VAT1L: variants seen among roughly 807,000 people sequenced by gnomAD.
VAT1L encodes vesicle amine transport 1 like.
In VAT1L, 34 loss-of-function variants were observed where a neutral mutation model predicts 44.1. The observed-to-expected ratio is 0.77, with a 90% confidence interval of 0.59 to 1.03. VAT1L has a LOEUF of 1.03. Ranked by LOEUF, VAT1L falls within the 50% of genes least tolerant of loss-of-function variation. VAT1L has a pLI of 0.00. For synonymous variants in VAT1L, 253 were observed against 202.2 expected, an observed-to-expected ratio of 1.25 and a Z score of -2.13; for missense variants, 615 against 538.8, an observed-to-expected ratio of 1.14 and a Z score of -1.40.
chr16:77,838,422 G>A (rs995354472), intron 3 of VAT1L, among the ~76,000 whole-genome samples: 1 of 152,254 alleles, frequency 6.6e-6, no homozygotes, highest in African/African-American at 2.4e-5. Flanking sequence ...CCATCACCCA[G>A]GCTGGCCACT....
chr16:77,802,531 T>C (rs945358596), intron 1 of VAT1L, among the ~76,000 whole-genome samples: 1 of 151,770 alleles, frequency 6.6e-6, no homozygotes, highest in African/African-American at 2.4e-5. Flanking sequence ...AGGGAATTGC[T>C]TGAACCCAGG....
rs112370556 is a variant in VAT1L at position 77,962,407 on chromosome 16, G to A, written c.1078-9443G>A. On this transcript the variant is annotated intron_variant, in intron 7 of 8. Transcript: ENST00000302536. ...TCAACCAAAGGGAGCCATAGGTAGG[G>A]GTGCTGACATAGGTAGGGATGCAAG... 8.2e-3 allele frequency among the ~76,000 whole-genome samples: 1,253 copies of A among 152,154 alleles called. 29 individuals carry two copies. Among genetic ancestry groups the A allele is most frequent in the African/African-American group, 0.028 (1,156 of 41,522 alleles).
At chr16:77,817,222 AT>A (rs1567475508) in intron 2 of VAT1L, among the ~76,000 whole-genome samples, 172 bp downstream of exon 2, 5 of 152,142 alleles carry the variant, frequency 3.3e-5, no homozygotes, top group Non-Finnish European at 4.4e-5. Flanking sequence ...TGCCTTTTTT[AT>A]AGACTATCTT....
At chr16:77,802,235 T>G (rs1421443058) in intron 1 of VAT1L, among the ~76,000 whole-genome samples, 1 of 152,178 alleles carries the variant, frequency 6.6e-6, no homozygotes, top group East Asian at 1.9e-4. Flanking sequence ...TTTGTATCCT[T>G]AAGATAGCTA....
chr16:77,866,942 G>A (rs923865315), intron 4 of VAT1L, among the ~76,000 whole-genome samples: 2 of 152,154 alleles, frequency 1.3e-5, no homozygotes, highest in East Asian at 1.9e-4. Flanking sequence ...TGAAGGTTGC[G>A]ATCGATTTCA....
intron 7 of VAT1L, among the ~76,000 whole-genome samples, chr16:77,913,847 G>A (rs2017523496): frequency 6.6e-6 from 1 of 152,182 alleles, no homozygotes; most frequent in African/African-American, 2.4e-5. Context: ...TAAATTTGGG[G>A]ATGTAAGTTA....
chr16:77,937,690 G>C (rs962634457), intron 7 of VAT1L, among the ~76,000 whole-genome samples: 5 of 152,226 alleles, frequency 3.3e-5, no homozygotes, highest in African/African-American at 1.2e-4. Context: ...CCAGTGAATA[G>C]GCCAGTTGGA....
intron 7 of VAT1L, among the ~76,000 whole-genome samples, chr16:77,925,686 G>T (rs1227391272): frequency 1.3e-5 from 2 of 152,094 alleles, no homozygotes; most frequent in Non-Finnish European, 2.9e-5. Flanking sequence ...CCCTCGTTCT[G>T]CAGATGACGT....
chr16:77,877,438 G>A (rs746323912), intron 5 of VAT1L, among the ~76,000 whole-genome samples: 4 of 149,794 alleles, frequency 2.7e-5, no homozygotes, highest in Non-Finnish European at 4.4e-5. Context: ...GCATGAACCC[G>A]GGAGGCGGAG....
At chr16:77,930,472 A>C (rs540186608) in intron 7 of VAT1L, among the ~76,000 whole-genome samples, 76 of 152,264 alleles carry the variant, frequency 5.0e-4, no homozygotes, top group Admixed American at 1.2e-3. Flanking sequence ...GGCAGGTAAG[A>C]CTGGTACGGA....
intron 7 of VAT1L, among the ~76,000 whole-genome samples, chr16:77,895,355 GA>G (rs1206050267): frequency 8.8e-3 from 23 of 2,620 alleles, no homozygotes; most frequent in Non-Finnish European, 0.043. Context: ...TAGAATATTT[GA>G]ACATGTTACC....
intron 7 of VAT1L, among the ~76,000 whole-genome samples, chr16:77,940,147 G>T (rs1039408857): frequency 1.3e-5 from 2 of 152,086 alleles, no homozygotes; most frequent in Admixed American, 6.5e-5. Flanking sequence ...ATACGCTAGT[G>T]AATGTTTTAA....
At chr16:77,938,211 T>C (rs1450959215) in intron 7 of VAT1L, among the ~76,000 whole-genome samples, 1 of 152,196 alleles carries the variant, frequency 6.6e-6, no homozygotes, top group Non-Finnish European at 1.5e-5. Flanking sequence ...AATGCACAGA[T>C]GAACTGGAAA....
chr16:77,798,844 A>G (rs2015987920), intron 1 of VAT1L, among the ~76,000 whole-genome samples: 1 of 152,182 alleles, frequency 6.6e-6, no homozygotes, highest in African/African-American at 2.4e-5. Context: ...CCAAGCTTAG[A>G]GATCTTCAGA....
At chr16:77,814,333 C>T (rs541603993) in intron 1 of VAT1L, among the ~76,000 whole-genome samples, 2 of 152,294 alleles carry the variant, frequency 1.3e-5, no homozygotes, top group South Asian at 2.1e-4. Context: ...CAAAATACAC[C>T]TGCGTCCTAA....
intron 1 of VAT1L, among the ~76,000 whole-genome samples, chr16:77,799,286 C>G (rs1037437290): frequency 7.5e-5 from 11 of 146,178 alleles, no homozygotes; most frequent in Admixed American, 6.3e-4. Context: ...CCCTCTTTCT[C>G]TGTCTCTCTC....
At chr16:77,930,328 G>A (rs1248629563) in intron 7 of VAT1L, among the ~76,000 whole-genome samples, 3 of 152,138 alleles carry the variant, frequency 2.0e-5, no homozygotes, top group Non-Finnish European at 2.9e-5. Context: ...ATGTTCTTTG[G>A]GGGGACATGG....
At chr16:77,942,152 A>C (rs1385691654) in intron 7 of VAT1L, among the ~76,000 whole-genome samples, 1 of 152,112 alleles carries the variant, frequency 6.6e-6, no homozygotes, top group African/African-American at 2.4e-5. Context: ...TAATGGACTC[A>C]CAGTTCCATG....
intron 3 of VAT1L, among the ~76,000 whole-genome samples, chr16:77,847,320 A>G (rs1160357265): frequency 6.6e-6 from 1 of 152,056 alleles, no homozygotes; most frequent in Non-Finnish European, 1.5e-5. Flanking sequence ...CAGTAGGTGT[A>G]TGAGAGGAGG....
Sources: allele counts gnomAD v4.1 joint callset (sites outside exome capture counted in the v4.1 genomes callset), GRCh38; gene constraint gnomAD v4.1.1; transcripts MANE v1.5; gene names NCBI Gene and HGNC (gene_info 2026-07-23, HGNC 2026-07-21).